CYB5D2: variants seen among roughly 807,000 people sequenced by gnomAD.
The protein encoded by CYB5D2 is cytochrome b5 domain containing 2.
A neutral mutation model predicts 22.8 loss-of-function variants in CYB5D2; 23 were observed. That is an observed-to-expected ratio of 1.01 (90% CI 0.73 to 1.43). The LOEUF is 1.43. Among genes scored for constraint, CYB5D2 ranks in the 40% most tolerant of loss-of-function variants. The pLI is 0.00. For missense variants in CYB5D2, 373 were observed against 357.2 expected, an observed-to-expected ratio of 1.04 and a Z score of -0.36; for synonymous variants, 170 against 152.2, an observed-to-expected ratio of 1.12 and a Z score of -0.86.
Position 4,157,146 on chromosome 17 carries a change from C to CACTT in CYB5D2, c.*65_*68dup. 6.4e-7 allele frequency: 1 copy of CACTT among 1,553,158 alleles called. No individual in the cohort carries two copies. The highest frequency in any genetic ancestry group is 8.8e-7 in the Non-Finnish European group (1 of 1,138,540). On this transcript the variant is annotated 3_prime_UTR_variant, in exon 4 of 4. Coordinates refer to ENST00000301391, the MANE Select transcript of CYB5D2 (RefSeq NM_144611.4). This position sits in a 1 kb window ranked among gnomAD's most constrained non-coding sequence, Gnocchi z 4.4. ...GCCAAGCACCTGAGTAGGCCCTTGACACTTGTGTGCCCTGGGATGCCTCCT... is the reference window on the plus strand; with the variant it reads ...GCCAAGCACCTGAGTAGGCCCTTGACACTTACTTGTGTGCCCTGGGATGCCTCCT...
chr17:4,157,155 G>A lies in CYB5D2; in HGVS notation c.*73G>A. 1 of 1,506,426 alleles carries A rather than the reference G, an allele frequency of 6.6e-7. No individual in the cohort carries two copies. Among genetic ancestry groups the A allele is most frequent in the Non-Finnish European group, 9.1e-7 (1 of 1,101,356 alleles). 93.3% of individuals were successfully genotyped at this position (1,506,426 alleles called of 1,614,324 possible). The stretch of plus-strand genomic sequence containing the variant: ...CTGAGTAGGCCCTTGACACTTGTGT[G>A]CCCTGGGATGCCTCCTGGCGCGAAT... On this transcript the variant is annotated 3_prime_UTR_variant, in exon 4 of 4. Transcript: ENST00000301391. The surrounding 1 kb of genome is among the most constrained non-coding windows in gnomAD (Gnocchi z 4.4).
chr17:4,144,104 A>G (rs1428173553), intron 1 of CYB5D2, 99 bp downstream of exon 1: 9 of 1,410,036 alleles, frequency 6.4e-6, no homozygotes, highest in Non-Finnish European at 8.5e-6. Context: ...TTCCCCCCCC[A>G]TCCCCACCCC....
chr17:4,143,677 T>A lies in CYB5D2; in HGVS notation c.-79T>A. On this transcript the variant is annotated 5_prime_UTR_variant, in exon 1 of 4. Coordinates refer to ENST00000301391, the MANE Select transcript of CYB5D2 (RefSeq NM_144611.4). ...AGCGAGAGCGCGCGCGCCGATGACG[T>A]CACGCTCGGCGTCTCGGCCATCTTA... The A allele has an allele frequency of 6.6e-7, 1 of 1,519,116 alleles. No homozygotes were observed. Among genetic ancestry groups the A allele is most frequent in the Non-Finnish European group, 8.8e-7 (1 of 1,133,042 alleles). The allele number at this position is 1,519,116 out of a possible 1,614,324, so 94.1% of individuals were successfully genotyped here. A position where few individuals can be genotyped will look rare whatever the true frequency, so the allele number is the denominator to read the frequency against.
At chr17:4,153,363 C>T (rs1261303059) in intron 2 of CYB5D2, among the ~76,000 whole-genome samples, 1 of 151,448 alleles carries the variant, frequency 6.6e-6, no homozygotes, top group Non-Finnish European at 1.5e-5. Flanking sequence ...AGCCAAGACA[C>T]AGAAAGGAAG....
intron 3 of CYB5D2, among the ~76,000 whole-genome samples, chr17:4,155,209 C>T (rs1567891789): frequency 6.6e-6 from 1 of 152,112 alleles, no homozygotes; most frequent in Non-Finnish European, 1.5e-5. Flanking sequence ...CCTGCTCAGC[C>T]ACCCACGGGC....
rs2058924639 is a variant in CYB5D2 at position 4,143,689 on chromosome 17, T to C, written c.-67T>C. On this transcript the variant is annotated 5_prime_UTR_variant, in exon 1 of 4. Coordinates refer to ENST00000301391, the MANE Select transcript of CYB5D2 (RefSeq NM_144611.4). ...CGCGCCGATGACGTCACGCTCGGCG[T>C]CTCGGCCATCTTAGCTGTAGATAGA... The C allele has an allele frequency of 6.6e-7, 1 of 1,526,242 alleles. No homozygotes were observed. The highest frequency in any genetic ancestry group is 1.4e-5 in the African/African-American group (1 of 71,996). The allele number at this position is 1,526,242 out of a possible 1,614,324, so 94.5% of individuals were successfully genotyped here.
In CYB5D2 at chr17:4,143,627, G is replaced by A; in HGVS notation, c.-129G>A. 7.6e-7 allele frequency: 1 copy of A among 1,324,034 alleles called. No homozygotes were observed. Among genetic ancestry groups the A allele is most frequent in the Non-Finnish European group, 1.0e-6 (1 of 967,902 alleles). The allele number at this position is 1,324,034 out of a possible 1,614,324, so 82.0% of individuals were successfully genotyped here. Reference sequence around the variant, plus strand: ...AACGAGAGAGACTAAGGGAGGGAGCGCGAGCACTAGCGCGCGAGAGAGAGA... The same window carrying A: ...AACGAGAGAGACTAAGGGAGGGAGCACGAGCACTAGCGCGCGAGAGAGAGA... On this transcript the variant is annotated 5_prime_UTR_variant, in exon 1 of 4. Coordinates refer to ENST00000301391, the MANE Select transcript of CYB5D2 (RefSeq NM_144611.4).
intron 3 of CYB5D2, among the ~76,000 whole-genome samples, chr17:4,155,226 T>C (rs566531415): frequency 8.5e-4 from 129 of 152,260 alleles, no homozygotes; most frequent in African/African-American, 2.9e-3. Flanking sequence ...GGGCTTTGGT[T>C]TCCTGTTTGA....
intron 3 of CYB5D2, among the ~76,000 whole-genome samples, chr17:4,155,972 G>C (rs1309414647): frequency 6.6e-6 from 1 of 152,276 alleles, no homozygotes; most frequent in Non-Finnish European, 1.5e-5. Context: ...TAGACTGAGA[G>C]GAACAAGTGC....
At chr17:4,144,171 C>T (rs2058947018) in intron 1 of CYB5D2, among the ~76,000 whole-genome samples, 166 bp downstream of exon 1, 1 of 152,196 alleles carries the variant, frequency 6.6e-6, no homozygotes, top group Non-Finnish European at 1.5e-5. Flanking sequence ...TCCTTCTAGG[C>T]TCTCTGGCTC....
chr17:4,143,650 A>AGAGCGAGAGCGC lies in CYB5D2; in HGVS notation c.-104_-93dup, dbSNP rs1466324249. 10 of 1,474,066 alleles carry AGAGCGAGAGCGC rather than the reference A, an allele frequency of 6.8e-6. No homozygotes were observed. The highest frequency in any genetic ancestry group is 8.2e-6 in the Non-Finnish European group (9 of 1,099,490). 91.3% of individuals were successfully genotyped at this position (1,474,066 alleles called of 1,614,324 possible). A position where few individuals can be genotyped will look rare whatever the true frequency, so the allele number is the denominator to read the frequency against. ...GCGCGAGCACTAGCGCGCGAGAGAG[A>AGAGCGAGAGCGC]GAGCGAGAGCGCGCGCGCCGATGAC... On this transcript the variant is annotated 5_prime_UTR_variant, in exon 1 of 4. Transcript: ENST00000301391.
At chr17:4,144,502 T>G (rs777825272) in intron 1 of CYB5D2, among the ~76,000 whole-genome samples, 1 of 152,202 alleles carries the variant, frequency 6.6e-6, no homozygotes, top group Non-Finnish European at 1.5e-5. Flanking sequence ...ACTTTATTCC[T>G]TTATGGCCCG....
At chr17:4,146,482 C>T (rs1318008873) in intron 1 of CYB5D2, among the ~76,000 whole-genome samples, 1 of 151,974 alleles carries the variant, frequency 6.6e-6, no homozygotes, top group Non-Finnish European at 1.5e-5. Context: ...GCTCCGCCTC[C>T]TGAGTTCATG....
In CYB5D2 at chr17:4,149,990, A is replaced by G; in HGVS notation, c.350A>G (p.His117Arg). 1 of 1,614,130 alleles carries G rather than the reference A, an allele frequency of 6.2e-7. No individual in the cohort carries two copies. Among genetic ancestry groups the G allele is most frequent in the South Asian group, 1.1e-5 (1 of 91,076 alleles). The part of the protein sequence containing the change: ...DLSAAEMLTL[H>R]NWLSFYEKNY... ...TCAGCCGCTGAGATGCTGACACTTCACAATTGGCTTTCATTCTATGAGAAG... is the reference window on the plus strand; with the variant it reads ...TCAGCCGCTGAGATGCTGACACTTCGCAATTGGCTTTCATTCTATGAGAAG... The change falls in exon 2 of 4, where the codon CAC becomes CGC. Residue 117 changes from histidine to arginine, a missense_variant. His to Arg is a conservative substitution (Grantham distance 29, BLOSUM62 0). Coordinates refer to ENST00000301391, the MANE Select transcript of CYB5D2 (RefSeq NM_144611.4).
chr17:4,156,801 C>G, intron 3 of CYB5D2, 65 bp from the exon 4 acceptor site: 1 of 1,551,296 alleles, frequency 6.4e-7, no homozygotes, highest in Admixed American at 1.8e-5. Context: ...CTGCTTCCTG[C>G]TCTCCCCTTC....
chr17:4,149,223 T>C (rs2059026720), intron 1 of CYB5D2, among the ~76,000 whole-genome samples: 1 of 152,196 alleles, frequency 6.6e-6, no homozygotes, highest in Non-Finnish European at 1.5e-5. Flanking sequence ...TCTTTGCCTG[T>C]AGGTGGGCTT....
intron 2 of CYB5D2, among the ~76,000 whole-genome samples, chr17:4,153,673 T>C (rs1014723276): frequency 1.3e-5 from 2 of 151,808 alleles, no homozygotes; most frequent in Non-Finnish European, 2.9e-5. Context: ...GTGATGGCAG[T>C]GGGAATGGAA....
chr17:4,149,086 C>G (rs1378562417), intron 1 of CYB5D2, among the ~76,000 whole-genome samples: 1 of 152,082 alleles, frequency 6.6e-6, no homozygotes, highest in African/African-American at 2.4e-5. Flanking sequence ...GGATTATGAG[C>G]ATTAGCCACC....
intron 1 of CYB5D2, among the ~76,000 whole-genome samples, chr17:4,149,349 A>G (rs1311872922): frequency 6.6e-6 from 1 of 152,208 alleles, no homozygotes; most frequent in African/African-American, 2.4e-5. Context: ...GGCCAAGGGA[A>G]GTGGTCAGCT....
Sources: gnomAD v4.1 joint callset for allele counts (sites outside exome capture counted in the v4.1 genomes callset) on GRCh38, gnomAD v4.1.1 for gene constraint, Gnocchi (gnomAD v3.1) non-coding constraint, MANE v1.5 for transcripts, NCBI Gene and HGNC (gene_info 2026-07-23, HGNC 2026-07-21) for gene names.